Variants in AGFG1 observed in about 807,000 individuals in gnomAD.
The protein encoded by AGFG1 is arf-GAP domain and FG repeat-containing protein 1.
Under a neutral mutation model 60.6 loss-of-function variants are expected in AGFG1, and 10 were observed. The ratio of observed to expected loss-of-function variants is 0.16; its 90% CI spans 0.10 to 0.28. The LOEUF (loss-of-function observed/expected upper bound fraction) is 0.28, where lower values mean the gene tolerates loss of function less well. AGFG1 is among the 10% of genes least tolerant of loss of function. The pLI is 1.00. For synonymous variants in AGFG1, 247 were observed against 242.9 expected, an observed-to-expected ratio of 1.02 and a Z score of -0.16; for missense variants, 537 against 676.5, an observed-to-expected ratio of 0.79 and a Z score of 2.29.
chr2:227,482,289 A>G (rs939139385), intron 1 of AGFG1, among the ~76,000 whole-genome samples: 63 of 152,296 alleles, frequency 4.1e-4, no homozygotes, highest in African/African-American at 1.5e-3. Flanking sequence ...CTTTCCCAGA[A>G]ACTCAGAATA....
chr2:227,519,108 A>G (rs1339425505), intron 2 of AGFG1, among the ~76,000 whole-genome samples: 3 of 152,118 alleles, frequency 2.0e-5, no homozygotes, highest in Admixed American at 1.3e-4. Context: ...CTGGGAGGCA[A>G]TAAGCTGAGA....
At chr2:227,488,721 A>G (rs553744029) in intron 1 of AGFG1, among the ~76,000 whole-genome samples, 1 of 152,364 alleles carries the variant, frequency 6.6e-6, no homozygotes, top group East Asian at 1.9e-4. Flanking sequence ...GGGGTGGATT[A>G]GTGTTCTCAT....
Position 227,534,929 on chromosome 2 carries a change from C to T in AGFG1, c.1109C>T (p.Ser370Phe), listed in dbSNP as rs1692263567. 1 of 1,612,992 alleles carries T rather than the reference C, an allele frequency of 6.2e-7. No individual in the cohort carries two copies. The highest frequency in any genetic ancestry group is 8.5e-7 in the Non-Finnish European group (1 of 1,179,170). The change falls in exon 8 of 13, where the codon TCT (serine) becomes TTT (phenylalanine). Residue 370 changes from serine to phenylalanine, a missense_variant. By Grantham distance (155) the Ser-to-Phe change is radical (BLOSUM62 -2). Around this residue, in one of 4 missense-constraint regions of AGFG1, gnomAD observed 287 missense variants for 343.6 expected, o/e 0.84. Coordinates refer to ENST00000310078, the MANE Select transcript of AGFG1 (RefSeq NM_004504.5). The part of the protein sequence containing the change: ...VVSVPSQSSA[S>F]SDKYAALAEL... ...TCAGTTCCCAGTCAGTCAAGTGCAT[C>T]TTCAGACAAGTATGCAGCTCTGGCA...
Position 227,472,385 on chromosome 2 carries a change from C to A in AGFG1, c.-37C>A, listed in dbSNP as rs1348404025. 1.5e-6 allele frequency: 2 copies of A among 1,329,916 alleles called. No homozygotes were observed. The highest frequency in any genetic ancestry group is 1.6e-5 in the African/African-American group (1 of 64,426). The allele number at this position is 1,329,916 out of a possible 1,614,324, so 82.4% of individuals were successfully genotyped here. Reference sequence around the variant, plus strand: ...GCCCCCGGCGCAGCGCTGCCCGGCTCCCGGCCCTGCCGGCCTCCTCCCTTG... The same window carrying A: ...GCCCCCGGCGCAGCGCTGCCCGGCTACCGGCCCTGCCGGCCTCCTCCCTTG... On this transcript the variant is annotated 5_prime_UTR_variant, in exon 1 of 13. Transcript: ENST00000310078.
chr2:227,523,572 A>G (rs1691886809), intron 3 of AGFG1, among the ~76,000 whole-genome samples, 191 bp from the exon 4 acceptor site: 1 of 152,174 alleles, frequency 6.6e-6, no homozygotes, highest in South Asian at 2.1e-4. Context: ...GAGTATTTCA[A>G]ATATTTAATG....
chr2:227,548,931 C>T (rs1692735166), intron 10 of AGFG1, among the ~76,000 whole-genome samples: 1 of 151,624 alleles, frequency 6.6e-6, no homozygotes, highest in African/African-American at 2.4e-5. Flanking sequence ...AGCGAGACTC[C>T]GTCTCAAAAA....
chr2:227,518,844 G>A (rs1030375108), intron 2 of AGFG1, among the ~76,000 whole-genome samples: 2 of 152,114 alleles, frequency 1.3e-5, no homozygotes, highest in Non-Finnish European at 2.9e-5. Flanking sequence ...TGATATCTTT[G>A]GTGAAGTGTT....
At chr2:227,548,790 A>T (rs1338754005) in intron 10 of AGFG1, among the ~76,000 whole-genome samples, 6 of 152,176 alleles carry the variant, frequency 3.9e-5, no homozygotes, top group African/African-American at 1.4e-4. Flanking sequence ...ACAAAAAATT[A>T]GCTGGGCATG....
At chr2:227,537,186 C>T (rs1438371833) in intron 10 of AGFG1, among the ~76,000 whole-genome samples, 193 bp downstream of exon 10, 1 of 152,108 alleles carries the variant, frequency 6.6e-6, no homozygotes, top group Non-Finnish European at 1.5e-5. Context: ...TGAGAGGGAC[C>T]TTAGAAATTA....
At chr2:227,549,548 AT>A (rs1692758109) in intron 10 of AGFG1, among the ~76,000 whole-genome samples, 1 of 152,054 alleles carries the variant, frequency 6.6e-6, no homozygotes, top group South Asian at 2.1e-4. Flanking sequence ...ATATTTAATA[AT>A]TTTTCCCTTG....
intron 2 of AGFG1, among the ~76,000 whole-genome samples, chr2:227,506,193 G>A (rs1371623589): frequency 6.6e-6 from 1 of 152,090 alleles, no homozygotes; most frequent in Non-Finnish European, 1.5e-5. Flanking sequence ...TAGTGCCTCT[G>A]GATTCTGTTT....
chr2:227,513,919 G>A (rs1691573892), intron 2 of AGFG1, among the ~76,000 whole-genome samples: 1 of 152,136 alleles, frequency 6.6e-6, no homozygotes, highest in South Asian at 2.1e-4. Flanking sequence ...CCCATTATTT[G>A]AAGCATTATG....
chr2:227,482,555 T>A (rs187277547), intron 1 of AGFG1, among the ~76,000 whole-genome samples: 49 of 152,374 alleles, frequency 3.2e-4, no homozygotes, highest in African/African-American at 1.2e-3. Context: ...TAGATCTAAA[T>A]GTCAACTTTA....
rs1457717539 is a variant in AGFG1, at chr2:227,536,952, C to T, written c.1337C>T (p.Ser446Phe). Residue 446 changes from serine (S) to phenylalanine (F), a missense_variant, in exon 10 of 13, where the codon TCT becomes TTT. Around this residue, in one of 4 missense-constraint regions of AGFG1, gnomAD observed 287 missense variants for 343.6 expected, o/e 0.84. Coordinates refer to ENST00000310078, the MANE Select transcript of AGFG1 (RefSeq NM_004504.5). ...GCTGCTGCTGGTCCTTCTGTGGCATCTTCTACAAACCCATTTCAGACCAAT... is the reference window on the plus strand; with the variant it reads ...GCTGCTGCTGGTCCTTCTGTGGCATTTTCTACAAACCCATTTCAGACCAAT... ...FVAAAGPSVA[S>F]STNPFQTNAR... is the part of the protein sequence containing the mutation. 1 of 1,613,044 alleles carries T rather than the reference C, an allele frequency of 6.2e-7. No individual in the cohort carries two copies.
intron 2 of AGFG1, among the ~76,000 whole-genome samples, chr2:227,495,568 A>G (rs1460848814): frequency 2.0e-5 from 3 of 150,678 alleles, no homozygotes; most frequent in Admixed American, 6.6e-5. Context: ...AAAAAAATCT[A>G]TAGTGATTTT....
chr2:227,548,780 AC>A (rs1225093660), intron 10 of AGFG1, among the ~76,000 whole-genome samples: 1 of 152,026 alleles, frequency 6.6e-6, no homozygotes, highest in East Asian at 1.9e-4. Flanking sequence ...TACTAAAAAT[AC>A]AAAAAATTAG....
intron 1 of AGFG1, among the ~76,000 whole-genome samples, chr2:227,472,942 C>T (rs189861839): frequency 4.5e-5 from 4 of 88,894 alleles, no homozygotes; most frequent in Admixed American, 1.6e-4. Context: ...TCCAGCTACC[C>T]GGGGCGCCGG....
chr2:227,534,151 T>TA (rs1454926349), intron 7 of AGFG1, among the ~76,000 whole-genome samples: 5 of 151,980 alleles, frequency 3.3e-5, no homozygotes, highest in African/African-American at 1.2e-4. Context: ...TTTTTTATAT[T>TA]TAAAAAAAAA....
At chr2:227,484,332 A>G (rs1690556064) in intron 1 of AGFG1, among the ~76,000 whole-genome samples, 1 of 151,630 alleles carries the variant, frequency 6.6e-6, no homozygotes, top group South Asian at 2.1e-4. Context: ...GGGATTGAGG[A>G]CTGCCACCAC....
Sources: gnomAD v4.1 joint callset for allele counts (sites outside exome capture counted in the v4.1 genomes callset) on GRCh38, gnomAD v4.1.1 for gene constraint, gnomAD v4.1.1 regional missense constraint, MANE v1.5 for transcripts, NCBI Gene and HGNC (gene_info 2026-07-23, HGNC 2026-07-21) for gene names.